SUCO: variants seen among roughly 807,000 people sequenced by gnomAD.
The protein encoded by SUCO is SUN domain-containing ossification factor.
SUCO carries 57 observed loss-of-function variants against 148.1 expected under a neutral mutation model. The ratio of observed to expected loss-of-function variants is 0.38; its 90% CI spans 0.31 to 0.48. The LOEUF is 0.48. Ranked by LOEUF, SUCO falls within the 20% of genes least tolerant of loss-of-function variation. The probability of loss-of-function intolerance (pLI) is 0.96; values close to 1 mark genes in which losing one functional copy is unlikely to be tolerated. For missense variants in SUCO, 1,331 were observed against 1,468.2 expected (o/e 0.91, Z 1.53); for synonymous variants, 470 against 502.7 (o/e 0.93, Z 0.87).
rs768518272 is a variant in SUCO, at chr1:172,578,400, T to C, written c.1432+11T>C. 6 of 1,602,352 alleles carry C rather than the reference T, an allele frequency of 3.7e-6. No homozygotes were observed. The highest frequency in any genetic ancestry group is 3.3e-5 in the Admixed American group (2 of 59,858). On this transcript the variant is annotated intron_variant, in intron 14 of 23. Transcript: ENST00000263688. Reference sequence around the variant, plus strand: ...TTGATGAGGACTATGGTAAGTGACATCAAACAGATGACTGTTAGGTATATT... The same window carrying C: ...TTGATGAGGACTATGGTAAGTGACACCAAACAGATGACTGTTAGGTATATT...
intron 1 of SUCO, among the ~76,000 whole-genome samples, chr1:172,548,543 T>C (rs1653037642): frequency 6.6e-6 from 1 of 152,060 alleles, no homozygotes; most frequent in Non-Finnish European, 1.5e-5. Context: ...GTTTTCCTGC[T>C]ATTGTCTTAT....
At chr1:172,545,745 G>A (rs1251114039) in intron 1 of SUCO, among the ~76,000 whole-genome samples, 1 of 152,166 alleles carries the variant, frequency 6.6e-6, no homozygotes, top group African/African-American at 2.4e-5. Context: ...AAAAGGTAGT[G>A]GCTGATAATA....
chr1:172,581,054 C>T (rs781477017), intron 15 of SUCO, among the ~76,000 whole-genome samples: 6 of 152,076 alleles, frequency 3.9e-5, no homozygotes, highest in Non-Finnish European at 5.9e-5. Flanking sequence ...GAGTTGAGAT[C>T]GCACCACTGC....
intron 15 of SUCO, among the ~76,000 whole-genome samples, chr1:172,581,218 T>C (rs139454640): frequency 2.6e-5 from 4 of 152,376 alleles, no homozygotes; most frequent in East Asian, 3.9e-4. Flanking sequence ...GAATCTTGTT[T>C]AGATACTTCT....
At chr1:172,564,195 T>G (rs938768135) in intron 6 of SUCO, among the ~76,000 whole-genome samples, 2 of 152,204 alleles carry the variant, frequency 1.3e-5, no homozygotes, top group African/African-American at 4.8e-5. Flanking sequence ...AGGGGAAATA[T>G]GGGGTGGGAA....
intron 3 of SUCO, among the ~76,000 whole-genome samples, chr1:172,553,977 A>G (rs1653521646): frequency 6.6e-6 from 1 of 152,242 alleles, no homozygotes; most frequent in African/African-American, 2.4e-5. Context: ...ATCTGTAGGC[A>G]GAAGGACTAA....
In SUCO at chr1:172,555,966, CTG is replaced by C; in HGVS notation, c.388_389del (p.Val130Ter). On this transcript the variant is annotated frameshift_variant, in exon 4 of 24. Transcript: ENST00000263688. LOFTEE classifies it high-confidence loss of function. ...TCCAATGCAGTTGTGGACAGTGAAA[CTG>C]TTGAAAATATTTCCAGCTCATCTAC... The C allele has an allele frequency of 6.2e-7, 1 of 1,613,434 alleles. No individual in the cohort carries two copies. Among genetic ancestry groups the C allele is most frequent in the Non-Finnish European group, 8.5e-7 (1 of 1,179,708 alleles).
At position 172,590,966 on chromosome 1, in the gene SUCO, C is replaced by T. The variant is rs749174118; in HGVS notation, c.2826-18C>T. 3.8e-6 allele frequency: 6 copies of T among 1,574,570 alleles called. No individual in the cohort carries two copies. The South Asian group carries it at 6.8e-5, about 18-fold the overall frequency. ...AGTAAGAAATTAAAGCTGATTTAGA[C>T]CAATTCTTACTTCATAGGTACCGAA... On this transcript the variant is annotated intron_variant, in intron 18 of 23. Transcript: ENST00000263688.
At chr1:172,591,942 T>C (rs1656706380) in intron 19 of SUCO, among the ~76,000 whole-genome samples, 1 of 152,202 alleles carries the variant, frequency 6.6e-6, no homozygotes, top group Non-Finnish European at 1.5e-5. Flanking sequence ...CCAGCACCTG[T>C]TGTTTCCTGA....
At chr1:172,597,705 T>C (rs1444577478) in intron 19 of SUCO, among the ~76,000 whole-genome samples, 1 of 152,164 alleles carries the variant, frequency 6.6e-6, no homozygotes, top group East Asian at 1.9e-4. Flanking sequence ...ACTATTCTAG[T>C]ATTGCACCTC....
At chr1:172,591,932 C>G (rs1267033968) in intron 19 of SUCO, among the ~76,000 whole-genome samples, 2 of 152,202 alleles carry the variant, frequency 1.3e-5, no homozygotes, top group African/African-American at 4.8e-5. Flanking sequence ...CACATCCTCT[C>G]CAGCACCTGT....
intron 1 of SUCO, among the ~76,000 whole-genome samples, chr1:172,549,003 T>C (rs1459239405): frequency 6.6e-6 from 1 of 151,946 alleles, no homozygotes; most frequent in Non-Finnish European, 1.5e-5. Context: ...TCTACATTGT[T>C]AGGTGCATAT....
chr1:172,564,387 C>T lies in SUCO; in HGVS notation c.733-4632C>T, dbSNP rs575121294. Among the ~76,000 whole-genome samples the T allele has an allele frequency of 2.6e-4, 40 of 152,338 alleles. 1 individual carries two copies. The highest frequency in any genetic ancestry group is 1.1e-3 in the Admixed American group (17 of 15,304). ...ATGGGGGCTCTACCCTGCAGAACCA[C>T]AGGGGTGGAGCTGCCCAGGGCCTTG... On this transcript the variant is annotated intron_variant, in intron 6 of 23. Coordinates refer to ENST00000263688, the MANE Select transcript of SUCO (RefSeq NM_014283.5).
At chr1:172,559,858 T>A (rs1654016240) in intron 6 of SUCO, among the ~76,000 whole-genome samples, 1 of 152,116 alleles carries the variant, frequency 6.6e-6, no homozygotes, top group Admixed American at 6.5e-5. Context: ...GAAATTTGCT[T>A]CCGTCTGGGA....
At chr1:172,556,103 C>A in intron 4 of SUCO, 80 bp downstream of exon 4, 1 of 1,148,482 alleles carries the variant, frequency 8.7e-7, no homozygotes, top group Non-Finnish European at 1.2e-6. Flanking sequence ...GATAAAGCAG[C>A]TTGATACTCA....
At chr1:172,542,692 C>G in intron 1 of SUCO, 7 of 982,766 alleles carry the variant, frequency 7.1e-6, no homozygotes, top group Non-Finnish European at 8.5e-6. Flanking sequence ...TGAAACTGGT[C>G]TCTGGTGCCA....
chr1:172,562,795 A>G (rs1654274249), intron 6 of SUCO, among the ~76,000 whole-genome samples: 1 of 152,192 alleles, frequency 6.6e-6, no homozygotes. Flanking sequence ...CTTGTCTGAT[A>G]TGGTTTAGCT....
In SUCO at chr1:172,556,216, A is replaced by T. The variant is rs187220722; in HGVS notation, c.443+193A>T. Among the ~76,000 whole-genome samples, 34 of 152,328 alleles carry T rather than the reference A, an allele frequency of 2.2e-4. 1 individual carries two copies. The East Asian group carries it at 5.8e-3, about 26-fold the overall frequency. ...GTGTTTTGAATGTAATGATTTTATA[A>T]CAAGTTTATTTAGCTAACTAACTCA... On this transcript the variant is annotated intron_variant, in intron 4 of 23. Coordinates refer to ENST00000263688, the MANE Select transcript of SUCO (RefSeq NM_014283.5).
At chr1:172,570,876 A>G (rs1327252405) in intron 9 of SUCO, 146 bp downstream of exon 9, 2 of 542,002 alleles carry the variant, frequency 3.7e-6, no homozygotes, top group Admixed American at 3.6e-5. Context: ...CTGAGGACAA[A>G]ATGCCTTCCT....
Sources: gnomAD v4.1 joint callset for allele counts (sites outside exome capture counted in the v4.1 genomes callset) on GRCh38, gnomAD v4.1.1 for gene constraint, MANE v1.5 for transcripts, NCBI Gene and HGNC (gene_info 2026-07-23, HGNC 2026-07-21) for gene names.